The following TBX4 variants were observed in gnomAD, a reference collection of about 807,000 sequenced individuals.
TBX4 encodes the protein T-box transcription factor 4, also known as T-box transcription factor TBX4.
TBX4 carries 13 observed loss-of-function variants against 54.6 expected under a neutral mutation model. The ratio of observed to expected loss-of-function variants is 0.24; its 90% confidence interval spans 0.15 to 0.38. The LOEUF is 0.38. Among genes scored for constraint, TBX4 ranks in the 10% least tolerant of loss-of-function variants. The pLI, the probability that TBX4 is intolerant of heterozygous loss-of-function variation, is 1.00. For synonymous variants in TBX4, 314 were observed against 306.7 expected, an observed-to-expected ratio of 1.02 and a Z score of -0.25; for missense variants, 631 against 728.5, an observed-to-expected ratio of 0.87 and a Z score of 1.54.
chr17:61,467,202 G>T (rs1342967727), intron 4 of TBX4, among the ~76,000 whole-genome samples: 1 of 152,102 alleles, frequency 6.6e-6, no homozygotes, highest in Non-Finnish European at 1.5e-5. Context: ...ACATAGAAGT[G>T]CCTAAATCTC....
intron 8 of TBX4, 98 bp from the exon 9 acceptor site, chr17:61,482,799 G>T: frequency 6.4e-7 from 1 of 1,554,684 alleles, no homozygotes; most frequent in Non-Finnish European, 8.7e-7. Context: ...GAGGGCGGGC[G>T]CAGAGGGACA....
intron 5 of TBX4, among the ~76,000 whole-genome samples, chr17:61,468,113 C>T (rs1010546733): frequency 2.6e-5 from 4 of 152,188 alleles, no homozygotes; most frequent in African/African-American, 9.7e-5. Context: ...GCGAGAGTCA[C>T]GGATATGTTC....
chr17:61,462,664 C>G lies in TBX4; in HGVS notation c.282-3155C>G, dbSNP rs1197678227. Among the ~76,000 whole-genome samples, 1 of 152,194 alleles carries G rather than the reference C, an allele frequency of 6.6e-6. No individual in the cohort carries two copies. Among genetic ancestry groups the G allele is most frequent in the Non-Finnish European group, 1.5e-5 (1 of 68,012 alleles). ...CCGCCAGCGCTGGTGGCAGGGCCTG[C>G]GTGGACACAGGCGGCACACACAGTG... On this transcript the variant is annotated intron_variant, in intron 3 of 8. Coordinates refer to ENST00000644296, the MANE Select transcript of TBX4 (RefSeq NM_001321120.2). The surrounding 1 kb of genome is among the most constrained non-coding windows in gnomAD (Gnocchi z 4.5).
rs2060685215 is a variant in TBX4 at position 61,483,841 on chromosome 17, G to A, written c.*325G>A. ...GAGTGGAGGGTTCATATGAGTTATTGAGAGGGTTTTATAATGGTTGATTTA... is the reference window on the plus strand; with the variant it reads ...GAGTGGAGGGTTCATATGAGTTATTAAGAGGGTTTTATAATGGTTGATTTA... On this transcript the variant is annotated 3_prime_UTR_variant, in exon 9 of 9. Transcript: ENST00000644296. This position sits in a 1 kb window ranked among gnomAD's most constrained non-coding sequence, Gnocchi z 6.6. 4 of 363,864 alleles carry A rather than the reference G, an allele frequency of 1.1e-5. No individual in the cohort carries two copies. Among genetic ancestry groups the A allele is most frequent in the Admixed American group, 7.8e-5 (2 of 25,662 alleles). The allele number at this position is 363,864 out of a possible 1,614,324, so 22.5% of individuals were successfully genotyped here.
At chr17:61,458,705 C>T (rs759063699) in intron 3 of TBX4, among the ~76,000 whole-genome samples, 1 of 152,218 alleles carries the variant, frequency 6.6e-6, no homozygotes, top group Non-Finnish European at 1.5e-5. Context: ...GGTCTTGCCT[C>T]ATACATTGTA....
rs2143796931 is a variant in TBX4, at chr17:61,457,801, C to T, written c.281+170C>T. 6.6e-6 allele frequency among the ~76,000 whole-genome samples: 1 copy of T among 152,338 alleles called. No individual in the cohort carries two copies. The highest frequency in any genetic ancestry group is 1.5e-5 in the Non-Finnish European group (1 of 68,030). ...CAGCTTGGGACTGGGCCGCCAAAGC[C>T]CGCAGGGGGCCACCGCAGCCGCGCG... is the stretch of plus-strand genomic sequence containing the variant. On this transcript the variant is annotated intron_variant, in intron 3 of 8. Transcript: ENST00000644296. The surrounding 1 kb of genome is among the most constrained non-coding windows in gnomAD (Gnocchi z 8.2).
chr17:61,477,738 C>T (rs1489386039), intron 5 of TBX4, among the ~76,000 whole-genome samples: 4 of 151,978 alleles, frequency 2.6e-5, no homozygotes. Flanking sequence ...GTCAGGAGTT[C>T]GAGACCAGCC....
chr17:61,465,751 T>G lies in TBX4; in HGVS notation c.282-68T>G. On this transcript the variant is annotated intron_variant, in intron 3 of 8. Coordinates refer to ENST00000644296, the MANE Select transcript of TBX4 (RefSeq NM_001321120.2). This position sits in a 1 kb window ranked among gnomAD's most constrained non-coding sequence, Gnocchi z 4.9. ...ATCTGTTAGCGGCCTTCTGCCCCCT[T>G]GCTCACTCTGTTCCATCTCTCCTGG... is the stretch of plus-strand genomic sequence containing the variant. 1 of 1,606,858 alleles carries G rather than the reference T, an allele frequency of 6.2e-7. No individual in the cohort carries two copies. The highest frequency in any genetic ancestry group is 8.5e-7 in the Non-Finnish European group (1 of 1,175,526).
In TBX4 at chr17:61,464,770, T is replaced by C. The variant is rs2060523174; in HGVS notation, c.282-1049T>C. ...GTGCCCAGAGCGTTTGTGTATGCGC[T>C]GTGCTGTTGTGTGTGCGTATGTGCT... On this transcript the variant is annotated intron_variant, in intron 3 of 8. Coordinates refer to ENST00000644296, the MANE Select transcript of TBX4 (RefSeq NM_001321120.2). The surrounding 1 kb of genome is among the most constrained non-coding windows in gnomAD (Gnocchi z 5.8). Among the ~76,000 whole-genome samples the C allele has an allele frequency of 1.3e-5, 2 of 152,184 alleles. No individual in the cohort carries two copies. Among genetic ancestry groups the C allele is most frequent in the African/African-American group, 4.8e-5 (2 of 41,442 alleles).
chr17:61,456,734 C>T, intron 2 of TBX4, 58 bp downstream of exon 2: 2 of 1,271,608 alleles, frequency 1.6e-6, no homozygotes, highest in South Asian at 2.0e-5. Context: ...GCGGGGCCGC[C>T]TGTGTCCGTC....
rs2060655840 is a variant in TBX4 at position 61,480,398 on chromosome 17, C to CG, written c.1021+79_1021+80insG. ...TCCCCGAAACCACTCTGCAGCGCCC[C>CG]CCCCCCCAACACACACACACTCATC... is the stretch of plus-strand genomic sequence containing the variant. On this transcript the variant is annotated intron_variant, in intron 8 of 8. Transcript: ENST00000644296. The surrounding 1 kb of genome is among the most constrained non-coding windows in gnomAD (Gnocchi z 6.2). 4 of 1,140,626 alleles carry CG rather than the reference C, an allele frequency of 3.5e-6. No individual in the cohort carries two copies. Among genetic ancestry groups the CG allele is most frequent in the Non-Finnish European group, 5.1e-6 (4 of 789,730 alleles). The allele number at this position is 1,140,626 out of a possible 1,614,324, so 70.7% of individuals were successfully genotyped here. A position where few individuals can be genotyped will look rare whatever the true frequency, so the allele number is the denominator to read the frequency against.
Position 61,483,934 on chromosome 17 carries a change from C to T in TBX4, c.*418C>T, listed in dbSNP as rs576739539. The T allele has an allele frequency of 9.8e-5, 25 of 254,848 alleles. No homozygotes were observed. The highest frequency in any genetic ancestry group is 3.4e-4 in the South Asian group (7 of 20,708). 15.8% of individuals were successfully genotyped at this position (254,848 alleles called of 1,614,324 possible). On this transcript the variant is annotated 3_prime_UTR_variant, in exon 9 of 9. Transcript: ENST00000644296. This position sits in a 1 kb window ranked among gnomAD's most constrained non-coding sequence, Gnocchi z 6.6. The stretch of plus-strand genomic sequence containing the variant: ...CTCACTGCTGGGGTGGGAAGATTCT[C>T]GCTGCTGGGGTGTGAGGACTCTGTG...
rs1275400397 is a variant in TBX4 at position 61,480,559 on chromosome 17, G to A, written c.1021+240G>A. Among the ~76,000 whole-genome samples the A allele has an allele frequency of 6.6e-6, 1 of 152,188 alleles. No homozygotes were observed. The highest frequency in any genetic ancestry group is 1.5e-5 in the Non-Finnish European group (1 of 68,024). ...TTGGAACCCTCACAGACAGCTTGTA[G>A]CCCCGGTGTCCCCAGACACCTTTCC... On this transcript the variant is annotated intron_variant, in intron 8 of 8. Coordinates refer to ENST00000644296, the MANE Select transcript of TBX4 (RefSeq NM_001321120.2). The surrounding 1 kb of genome is among the most constrained non-coding windows in gnomAD (Gnocchi z 6.2).
rs1034672269 is a variant in TBX4 at position 61,462,612 on chromosome 17, C to G, written c.282-3207C>G. 6.6e-6 allele frequency among the ~76,000 whole-genome samples: 1 copy of G among 152,104 alleles called. No individual in the cohort carries two copies. Among genetic ancestry groups the G allele is most frequent in the Non-Finnish European group, 1.5e-5 (1 of 68,014 alleles). The stretch of plus-strand genomic sequence containing the variant: ...CTGGGGCGGACCCAGAGGTAGAGCG[C>G]AGAGTGCCCGGGACAGGCGGGCTTC... On this transcript the variant is annotated intron_variant, in intron 3 of 8. Coordinates refer to ENST00000644296, the MANE Select transcript of TBX4 (RefSeq NM_001321120.2). The surrounding 1 kb of genome is among the most constrained non-coding windows in gnomAD (Gnocchi z 4.5).
Position 61,457,560 on chromosome 17 carries a change from G to T in TBX4, c.210G>T (p.Gly70=), listed in dbSNP as rs964955149. The change falls in exon 3 of 9, where the codon GGG becomes GGT. Residue 70 remains glycine (G), a synonymous_variant. Transcript: ENST00000644296. This position sits in a 1 kb window ranked among gnomAD's most constrained non-coding sequence, Gnocchi z 8.2. ...AEQTIENIKV[G]LHEKELWKKF... The stretch of plus-strand genomic sequence containing the variant: ...AGACCATCGAGAACATCAAGGTGGG[G>T]CTGCATGAGAAGGAGCTCTGGAAGA... The T allele has an allele frequency of 6.2e-7, 1 of 1,613,856 alleles. No homozygotes were observed. The highest frequency in any genetic ancestry group is 1.3e-5 in the African/African-American group (1 of 74,888).
In TBX4 at chr17:61,472,829, C is replaced by A. The variant is rs1002662741; in HGVS notation, c.549+5172C>A. Among the ~76,000 whole-genome samples, 5 of 151,344 alleles carry A rather than the reference C, an allele frequency of 3.3e-5. 1 individual carries two copies. In the South Asian group the frequency reaches 1.0e-3, roughly 32 times the overall value. On this transcript the variant is annotated intron_variant, in intron 5 of 8. Coordinates refer to ENST00000644296, the MANE Select transcript of TBX4 (RefSeq NM_001321120.2). The surrounding 1 kb of genome is among the most constrained non-coding windows in gnomAD (Gnocchi z 4.5). Reference sequence around the variant, plus strand: ...CTACAGAGCTATCCAGTTGTCCCAGCATCACTAATTGAGTTGTCCCCTTTC... The same window carrying A: ...CTACAGAGCTATCCAGTTGTCCCAGAATCACTAATTGAGTTGTCCCCTTTC...
rs1015264251 is a variant in TBX4 at position 61,472,618 on chromosome 17, G to T, written c.549+4961G>T. Among the ~76,000 whole-genome samples, 7 of 152,176 alleles carry T rather than the reference G, an allele frequency of 4.6e-5. No homozygotes were observed. Among genetic ancestry groups the T allele is most frequent in the Non-Finnish European group, 8.8e-5 (6 of 68,032 alleles). ...TATTCCCACACCGATGCTTTTGATT[G>T]AATTGACCAGTCTTTTCCTTATAGA... On this transcript the variant is annotated intron_variant, in intron 5 of 8. Coordinates refer to ENST00000644296, the MANE Select transcript of TBX4 (RefSeq NM_001321120.2). The surrounding 1 kb of genome is among the most constrained non-coding windows in gnomAD (Gnocchi z 4.5).
chr17:61,456,410 G>A, intron 1 of TBX4, 78 bp from the exon 2 acceptor site: 1 of 1,528,758 alleles, frequency 6.5e-7, no homozygotes, highest in Non-Finnish European at 8.8e-7. Context: ...CGAAGTCCCG[G>A]AATCGGCTGG....
chr17:61,453,099 T>C (rs2060425233), intron 1 of TBX4: 2 of 714,708 alleles, frequency 2.8e-6, no homozygotes, highest in Non-Finnish European at 3.4e-6. Context: ...TATTGGAATG[T>C]GAACAATTAC....
Sources: allele counts gnomAD v4.1 joint callset (sites outside exome capture counted in the v4.1 genomes callset), GRCh38; gene constraint gnomAD v4.1.1; non-coding constraint Gnocchi (gnomAD v3.1); transcripts MANE v1.5; gene names NCBI Gene and HGNC (gene_info 2026-07-23, HGNC 2026-07-21).